The following NHERF1 variants were observed in gnomAD, a reference collection of about 807,000 sequenced individuals.
NHERF1 encodes Na(+)/H(+) exchange regulatory cofactor NHE-RF1.
chr17:74,756,301 C>T, the NHERF1 span, among the ~76,000 whole-genome samples: 6 of 62,964 alleles, frequency 9.5e-5, no homozygotes, highest in Non-Finnish European at 1.2e-4. Flanking sequence ...TTTTTTGAGA[C>T]GGAGCCTTGC....
At chr17:74,749,416 C>T in the NHERF1 span, 1 of 883,280 alleles carries the variant, frequency 1.1e-6, no homozygotes, top group Non-Finnish European at 1.7e-6. This position sits in a 1 kb window ranked among gnomAD's most constrained non-coding sequence, Gnocchi z 5.6. Flanking sequence ...AGGGGGAGAC[C>T]GCTTCCGCCC....
At chr17:74,768,152 C>T in the NHERF1 span, 11 of 1,609,362 alleles carry the variant, frequency 6.8e-6, no homozygotes, top group Admixed American at 1.7e-4. Context: ...GCCAGGAGAA[C>T]AGTCGTGAAG....
At chr17:74,749,230 G>GCCC in the NHERF1 span, 1 of 1,529,102 alleles carries the variant, frequency 6.5e-7, no homozygotes, top group African/African-American at 1.4e-5. This position sits in a 1 kb window ranked among gnomAD's most constrained non-coding sequence, Gnocchi z 5.6. Context: ...CCGCCGAGGT[G>GCCC]CAGGGGGCTG....
chr17:74,768,752 A>C, the NHERF1 span: 7 of 1,014,242 alleles, frequency 6.9e-6, no homozygotes, highest in East Asian at 2.5e-5. Context: ...CAATGTACAA[A>C]TCAGCACCCA....
the NHERF1 span, among the ~76,000 whole-genome samples, chr17:74,751,466 T>C: frequency 6.6e-6 from 1 of 152,204 alleles, no homozygotes; most frequent in Non-Finnish European, 1.5e-5. The surrounding 1 kb of genome is among the most constrained non-coding windows in gnomAD (Gnocchi z 4.3). Context: ...AGTGATGATA[T>C]CAGTGGAAAA....
the NHERF1 span, among the ~76,000 whole-genome samples, chr17:74,751,782 G>A: frequency 6.6e-6 from 1 of 152,214 alleles, no homozygotes; most frequent in South Asian, 2.1e-4. The surrounding 1 kb of genome is among the most constrained non-coding windows in gnomAD (Gnocchi z 4.3). Context: ...TTGAGTCTGG[G>A]TTCAGAGTGC....
the NHERF1 span, chr17:74,762,098 C>T: frequency 6.2e-7 from 1 of 1,614,146 alleles, no homozygotes; most frequent in Non-Finnish European, 8.5e-7. This position sits in a 1 kb window ranked among gnomAD's most constrained non-coding sequence, Gnocchi z 4.2. Context: ...CCAAGCCAGG[C>T]CAGTTCATCC....
At chr17:74,766,904 C>T in the NHERF1 span, 3 of 1,612,356 alleles carry the variant, frequency 1.9e-6, no homozygotes, top group South Asian at 3.3e-5. Context: ...CATCCCCGTT[C>T]TGGACTCACC....
At chr17:74,768,878 C>G in the NHERF1 span, 2 of 573,864 alleles carry the variant, frequency 3.5e-6, no homozygotes. Flanking sequence ...CCTCCCTCCT[C>G]CTCACTGAGT....
At chr17:74,756,296 T>TTTTTAG in the NHERF1 span, among the ~76,000 whole-genome samples, 1 of 134,818 alleles carries the variant, frequency 7.4e-6, no homozygotes. Flanking sequence ...TTTTTTTTTT[T>TTTTTAG]GAGACGGAGC....
At chr17:74,762,437 T>C in the NHERF1 span, among the ~76,000 whole-genome samples, 1 of 152,194 alleles carries the variant, frequency 6.6e-6, no homozygotes, top group Non-Finnish European at 1.5e-5. This position sits in a 1 kb window ranked among gnomAD's most constrained non-coding sequence, Gnocchi z 4.2. Flanking sequence ...GTGGGCAGCC[T>C]GTGATTCACC....
the NHERF1 span, chr17:74,768,399 C>T: frequency 6.4e-7 from 1 of 1,572,990 alleles, no homozygotes; most frequent in East Asian, 2.2e-5. Context: ...GCCACCTCAC[C>T]AAGGCTGAGG....
chr17:74,749,067 AGGT>A, the NHERF1 span: 1 of 1,594,034 alleles, frequency 6.3e-7, no homozygotes, highest in African/African-American at 1.3e-5. This position sits in a 1 kb window ranked among gnomAD's most constrained non-coding sequence, Gnocchi z 5.6. Flanking sequence ...ACCCACCAGC[AGGT>A]GGTGAGCCGC....
chr17:74,752,258 G>C, the NHERF1 span, among the ~76,000 whole-genome samples: 3 of 152,140 alleles, frequency 2.0e-5, no homozygotes, highest in South Asian at 4.2e-4. Flanking sequence ...AACATGACAA[G>C]ACCCTGTCTC....
the NHERF1 span, chr17:74,762,961 A>T: frequency 5.7e-6 from 1 of 175,960 alleles, no homozygotes; most frequent in Non-Finnish European, 1.2e-5. This position sits in a 1 kb window ranked among gnomAD's most constrained non-coding sequence, Gnocchi z 4.2. Flanking sequence ...TCACAGTCTT[A>T]GAACCTTAGA....
At chr17:74,757,342 C>CT in the NHERF1 span, among the ~76,000 whole-genome samples, 3 of 152,176 alleles carry the variant, frequency 2.0e-5, no homozygotes, top group East Asian at 1.9e-4. Context: ...CAGTGAGTGA[C>CT]TTTTTTTAAA....
chr17:74,769,149 G>C, the NHERF1 span: 1 of 158,476 alleles, frequency 6.3e-6, no homozygotes, highest in Non-Finnish European at 1.4e-5. Context: ...AGAGTCTAGA[G>C]GAATTTTTGT....
the NHERF1 span, chr17:74,761,907 C>T: frequency 1.0e-5 from 13 of 1,238,872 alleles, no homozygotes; most frequent in Non-Finnish European, 1.5e-5. The surrounding 1 kb of genome is among the most constrained non-coding windows in gnomAD (Gnocchi z 4.3). Flanking sequence ...AAATTTGCAT[C>T]CTCCCAAACC....
At chr17:74,752,360 C>A in the NHERF1 span, among the ~76,000 whole-genome samples, 5 of 151,998 alleles carry the variant, frequency 3.3e-5, no homozygotes, top group Non-Finnish European at 7.4e-5. Context: ...TGCCTCCCTA[C>A]CCCCAAAACC....
Sources: gnomAD v4.1 joint callset for allele counts (sites outside exome capture counted in the v4.1 genomes callset) on GRCh38, gnomAD v4.1.1 for gene constraint, Gnocchi (gnomAD v3.1) non-coding constraint, MANE v1.5 for transcripts, NCBI Gene and HGNC (gene_info 2026-07-23, HGNC 2026-07-21) for gene names.